ROBO2: variants seen among roughly 807,000 people sequenced by gnomAD.
ROBO2 encodes the protein roundabout guidance receptor 2, also known as roundabout homolog 2.
A neutral mutation model predicts 160.8 loss-of-function variants in ROBO2; 53 were observed. The ratio of observed to expected loss-of-function variants is 0.33; its 90% CI spans 0.26 to 0.41. The LOEUF is 0.41. Ranked by LOEUF, ROBO2 falls within the 10% of genes least tolerant of loss-of-function variation. The pLI, the probability that ROBO2 is intolerant of heterozygous loss-of-function variation, is 1.00. For missense variants in ROBO2, 1,577 were observed against 1,722.4 expected (o/e 0.92, Z 1.49); for synonymous variants, 664 against 611.7 (o/e 1.09, Z -1.26).
chr3:77,139,296 A>G (rs2076521359), intron 2 of ROBO2, among the ~76,000 whole-genome samples: 1 of 152,178 alleles, frequency 6.6e-6, no homozygotes, highest in Admixed American at 6.5e-5. Context: ...TATACCTCCA[A>G]AATCTGAATG....
chr3:76,235,246 C>G (rs961677885), intron 2 of ROBO2, among the ~76,000 whole-genome samples: 1 of 152,110 alleles, frequency 6.6e-6, no homozygotes, highest in Non-Finnish European at 1.5e-5. Context: ...GAGATTTAGA[C>G]ACAGAAACCT....
chr3:76,024,532 T>A (rs1205877869), intron 2 of ROBO2, among the ~76,000 whole-genome samples: 2 of 151,592 alleles, frequency 1.3e-5, no homozygotes, highest in Non-Finnish European at 3.0e-5. Flanking sequence ...TTTAAAAAGA[T>A]GACTATAACA....
rs2086962095 is a variant in ROBO2, at chr3:77,229,954, T to C, written c.388+131614T>C. Among the ~76,000 whole-genome samples, 3 of 152,220 alleles carry C rather than the reference T, an allele frequency of 2.0e-5. No individual in the cohort carries two copies. The South Asian group carries it at 6.2e-4, about 31-fold the overall frequency. On this transcript the variant is annotated intron_variant, in intron 2 of 25. Coordinates refer to ENST00000461745, the Ensembl canonical transcript of ROBO2. ...TGTTTAACCATCCTTGTCTTAGGCT[T>C]GATGGTGAAAGTATAAATTAAAGTA... is the stretch of plus-strand genomic sequence containing the variant.
intron 2 of ROBO2, among the ~76,000 whole-genome samples, chr3:77,306,528 A>G (rs1002721120): frequency 2.6e-5 from 4 of 152,200 alleles, no homozygotes; most frequent in African/African-American, 9.6e-5. Flanking sequence ...CTTAAAATAA[A>G]CACACATTTT....
At chr3:77,077,736 T>C (rs1313091738) in intron 1 of ROBO2, among the ~76,000 whole-genome samples, 2 of 152,224 alleles carry the variant, frequency 1.3e-5, no homozygotes, top group Admixed American at 1.3e-4. Flanking sequence ...CACAGGTATG[T>C]TCTTATCCAT....
chr3:77,499,382 A>G (rs927698684), intron 5 of ROBO2, among the ~76,000 whole-genome samples: 3 of 152,100 alleles, frequency 2.0e-5, no homozygotes, highest in Non-Finnish European at 4.4e-5. Context: ...TATGCCATCC[A>G]TTCTAACTCA....
intron 2 of ROBO2, among the ~76,000 whole-genome samples, chr3:76,145,488 G>A (rs532290182): frequency 6.6e-6 from 1 of 152,000 alleles, no homozygotes; most frequent in South Asian, 2.1e-4. Context: ...TCTCCACTTT[G>A]TCTTGATACT....
rs9846993 is a variant in ROBO2, at chr3:76,610,329, C to G, written c.110-487685C>G. Among the ~76,000 whole-genome samples, 1,471 of 152,288 alleles carry G rather than the reference C, an allele frequency of 9.7e-3. 17 individuals are homozygous for G. Among genetic ancestry groups the G allele is most frequent in the African/African-American group, 0.034 (1,419 of 41,578 alleles). On this transcript the variant is annotated intron_variant, in intron 2 of 26. Coordinates refer to the ROBO2 transcript ENST00000487694. ...GCCCCCTGGGTTCGCTCAGCCCGCT[C>G]AGCCAGGCAGGCCTCTCTTGGCTCA...
chr3:76,248,142 T>A (rs199853140), intron 2 of ROBO2, among the ~76,000 whole-genome samples: 1 of 151,200 alleles, frequency 6.6e-6, no homozygotes. Context: ...CATTACTGGG[T>A]ATATACCCAA....
At chr3:76,006,920 A>G (rs2066035088) in intron 2 of ROBO2, among the ~76,000 whole-genome samples, 2 of 152,230 alleles carry the variant, frequency 1.3e-5, no homozygotes, top group Non-Finnish European at 2.9e-5. Context: ...CAAAAGGCAT[A>G]CAATTTCTTT....
chr3:76,035,620 T>C (rs2067080274), intron 2 of ROBO2, among the ~76,000 whole-genome samples: 2 of 152,066 alleles, frequency 1.3e-5, no homozygotes, highest in South Asian at 4.1e-4. Flanking sequence ...TTGATGTGCT[T>C]GCTTTCCAAG....
chr3:76,451,645 G>A (rs1259918147), intron 2 of ROBO2, among the ~76,000 whole-genome samples: 1 of 152,138 alleles, frequency 6.6e-6, no homozygotes, highest in Non-Finnish European at 1.5e-5. Context: ...AGCACTTTGA[G>A]GCCAGGGAAA....
intron 2 of ROBO2, among the ~76,000 whole-genome samples, chr3:76,755,903 T>G (rs2108300981): frequency 6.6e-6 from 1 of 151,946 alleles, no homozygotes; most frequent in South Asian, 2.1e-4. Flanking sequence ...TCCCTTCCTT[T>G]AGACACATGA....
At chr3:76,445,548 C>T (rs12638609) in intron 2 of ROBO2, among the ~76,000 whole-genome samples, 18,140 of 152,122 alleles carry the variant, frequency 0.12, 1,403 homozygotes, top group Admixed American at 0.21. Context: ...ATGAGGCCAG[C>T]TTCATCCTGA....
intron 2 of ROBO2, among the ~76,000 whole-genome samples, chr3:76,655,768 AGAAG>A (rs1385564216): frequency 7.0e-6 from 1 of 143,872 alleles, no homozygotes; most frequent in South Asian, 2.1e-4. Flanking sequence ...AAGGAAGGAA[AGAAG>A]GAAGGAAGGG....
chr3:77,343,794 C>T (rs977755201), intron 2 of ROBO2, among the ~76,000 whole-genome samples: 3 of 152,172 alleles, frequency 2.0e-5, no homozygotes, highest in African/African-American at 7.2e-5. Flanking sequence ...TAAACAAACA[C>T]CAGGCAAAAA....
intron 2 of ROBO2, among the ~76,000 whole-genome samples, chr3:76,277,755 G>T (rs140007713): frequency 6.6e-6 from 1 of 151,744 alleles, no homozygotes; most frequent in Non-Finnish European, 1.5e-5. Flanking sequence ...TGAGTAAAGC[G>T]ATTTGATTCT....
chr3:76,269,247 T>C (rs1707281020), intron 2 of ROBO2, among the ~76,000 whole-genome samples: 1 of 152,078 alleles, frequency 6.6e-6, no homozygotes, highest in South Asian at 2.1e-4. Flanking sequence ...TATTACACAT[T>C]GTATGCCTGG....
chr3:76,914,079 T>C (rs1407798283), intron 2 of ROBO2, among the ~76,000 whole-genome samples: 4 of 152,206 alleles, frequency 2.6e-5, no homozygotes, highest in Admixed American at 6.5e-5. Flanking sequence ...GGGTTAGCAA[T>C]GCACTTTTGC....
Sources: gnomAD v4.1 joint callset for allele counts (sites outside exome capture counted in the v4.1 genomes callset) on GRCh38, gnomAD v4.1.1 for gene constraint, MANE v1.5 for transcripts, NCBI Gene and HGNC (gene_info 2026-07-23, HGNC 2026-07-21) for gene names.